The following DMD variants were observed in gnomAD, a reference collection of about 807,000 sequenced individuals.
DMD encodes the protein mutant dystrophin.
DMD carries 63 observed loss-of-function variants against 330.1 expected under a neutral mutation model. That is an observed-to-expected ratio of 0.19 (90% CI 0.16 to 0.24). DMD has a LOEUF of 0.24. Among genes scored for constraint, DMD ranks in the 10% least tolerant of loss-of-function variants. The pLI, the probability that DMD is intolerant of heterozygous loss-of-function variation, is 1.00. For missense variants in DMD, 3,344 were observed against 2,684.1 expected, an observed-to-expected ratio of 1.25 and a Z score of -5.43; for synonymous variants, 1,223 against 959.8, an observed-to-expected ratio of 1.27 and a Z score of -5.07.
chrX:32,637,434 C>G (rs1211922469), intron 11 of DMD, among the ~76,000 whole-genome samples: 1 of 111,861 alleles, frequency 8.9e-6, no homozygotes, highest in African/African-American at 3.3e-5. Flanking sequence ...CTGAGATAGT[C>G]TATTAGTTTA....
intron 67 of DMD, among the ~76,000 whole-genome samples, chrX:31,188,445 G>T (rs1440531688): frequency 1.8e-5 from 2 of 111,999 alleles, no homozygotes; most frequent in Non-Finnish European, 3.8e-5. Flanking sequence ...GATAATCTTT[G>T]TAAGTACCAT....
At chrX:32,671,479 T>C (rs753631389) in intron 9 of DMD, among the ~76,000 whole-genome samples, 1 of 111,840 alleles carries the variant, frequency 8.9e-6, no homozygotes, top group Admixed American at 9.5e-5. Context: ...GATACTATTA[T>C]TATTAACAAA....
chrX:33,102,819 AG>A (rs1160005223), intron 1 of DMD, among the ~76,000 whole-genome samples: 1 of 112,278 alleles, frequency 8.9e-6, no homozygotes, highest in Non-Finnish European at 1.9e-5. Flanking sequence ...TAAATGCTCA[AG>A]CATTTAGTTG....
chrX:31,633,511 G>A (rs1312529975), intron 54 of DMD, among the ~76,000 whole-genome samples: 1 of 111,592 alleles, frequency 9.0e-6, no homozygotes, highest in Non-Finnish European at 1.9e-5. Flanking sequence ...ATGGACTTTG[G>A]TATTTAACAT....
At chrX:33,065,249 T>C (rs1035509361) in intron 1 of DMD, among the ~76,000 whole-genome samples, 7 of 112,603 alleles carry the variant, frequency 6.2e-5, no homozygotes, top group Non-Finnish European at 5.6e-5. Context: ...ATAGTGGATA[T>C]AAAAATTCCA....
chrX:31,984,208 A>G (rs1264371158), intron 44 of DMD, among the ~76,000 whole-genome samples: 1 of 112,330 alleles, frequency 8.9e-6, no homozygotes, highest in Non-Finnish European at 1.9e-5. Context: ...CTTCAGTTAA[A>G]TATAATCATT....
chrX:32,740,622 T>C (rs2069129447), intron 7 of DMD, among the ~76,000 whole-genome samples: 1 of 111,796 alleles, frequency 8.9e-6, no homozygotes, highest in South Asian at 3.7e-4. Flanking sequence ...ATGAATATTA[T>C]AAAAGCATAA....
At chrX:31,574,146 G>GT (rs749028855) in intron 55 of DMD, among the ~76,000 whole-genome samples, 8,201 of 75,830 alleles carry the variant, frequency 0.11, 411 homozygotes, top group African/African-American at 0.15. Flanking sequence ...TTTTTTTTTT[G>GT]TTTTTTTTTT....
rs772481392 is a variant in DMD at position 33,314,446 on chromosome X, T to C, written c.7+24813A>G. Among the ~76,000 whole-genome samples, 145 of 108,296 alleles carry C rather than the reference T, an allele frequency of 1.3e-3. 1 individual carries two copies. Among genetic ancestry groups the C allele is most frequent in the Non-Finnish European group, 2.4e-3 (126 of 52,281 alleles). 94.0% of individuals were successfully genotyped at this position (108,296 alleles called of 115,157 possible). A position where few individuals can be genotyped will look rare whatever the true frequency, so the allele number is the denominator to read the frequency against. ...CAAATTTTTGTATTTTTAGTAGAGA[T>C]GGGCTTTTACCATTTTGGCCAGGCA... On this transcript the variant is annotated intron_variant, in intron 1 of 17. Coordinates refer to the DMD transcript ENST00000288447.
At chrX:32,826,861 G>T (rs761851486) in intron 4 of DMD, among the ~76,000 whole-genome samples, 1 of 110,726 alleles carries the variant, frequency 9.0e-6, no homozygotes, top group Non-Finnish European at 1.9e-5. Flanking sequence ...AACCCCAAAT[G>T]ATAAACATAT....
intron 44 of DMD, among the ~76,000 whole-genome samples, chrX:32,187,885 A>T: frequency 1.8e-5 from 2 of 111,391 alleles, no homozygotes; most frequent in East Asian, 5.6e-4. Flanking sequence ...TTGCCACAAA[A>T]TGTAAATGTA....
At chrX:31,878,675 A>G (rs1052877824) in intron 47 of DMD, among the ~76,000 whole-genome samples, 2 of 112,597 alleles carry the variant, frequency 1.8e-5, no homozygotes, top group Admixed American at 1.9e-4. Flanking sequence ...AAGTAATAAG[A>G]AAAAGGCCAA....
intron 43 of DMD, among the ~76,000 whole-genome samples, chrX:32,266,415 A>G (rs749874369): frequency 3.6e-5 from 4 of 112,123 alleles, no homozygotes; most frequent in Middle Eastern, 4.7e-3. Flanking sequence ...TACAGACTGT[A>G]TGATCAATAT....
chrX:32,726,000 T>C (rs2066840370), intron 7 of DMD, among the ~76,000 whole-genome samples: 1 of 110,880 alleles, frequency 9.0e-6, no homozygotes, highest in East Asian at 2.8e-4. Flanking sequence ...ATTTAAAAAA[T>C]TCCCCTGGAA....
intron 48 of DMD, among the ~76,000 whole-genome samples, chrX:31,858,133 G>A (rs2093645774): frequency 9.0e-6 from 1 of 111,300 alleles, no homozygotes; most frequent in Non-Finnish European, 1.9e-5. Context: ...AAATAGAATT[G>A]TATTTGTTAA....
At chrX:32,772,081 T>C (rs1034642691) in intron 7 of DMD, among the ~76,000 whole-genome samples, 7 of 112,327 alleles carry the variant, frequency 6.2e-5, no homozygotes, top group African/African-American at 2.3e-4. Flanking sequence ...GCCTAACTGA[T>C]GAGGGCATTG....
At chrX:31,445,606 A>G (rs977838268) in intron 59 of DMD, among the ~76,000 whole-genome samples, 2 of 111,674 alleles carry the variant, frequency 1.8e-5, no homozygotes, top group African/African-American at 3.3e-5. Context: ...AGTTTCATTT[A>G]GGGAGTAGGG....
chrX:33,149,145 A>G (rs186129825), intron 1 of DMD, among the ~76,000 whole-genome samples: 43 of 110,624 alleles, frequency 3.9e-4, no homozygotes, highest in Non-Finnish European at 6.4e-4. Context: ...ATATAATAAA[A>G]TAATTATGTA....
At chrX:33,171,187 A>G (rs1354197805) in intron 1 of DMD, among the ~76,000 whole-genome samples, 3 of 3,959 alleles carry the variant, frequency 7.6e-4, no homozygotes, top group East Asian at 0.25. Context: ...TGGATTGAAC[A>G]CTCCTTTAAA....
Sources: gnomAD v4.1 joint callset for allele counts (sites outside exome capture counted in the v4.1 genomes callset) on GRCh38, gnomAD v4.1.1 for gene constraint, MANE v1.5 for transcripts, NCBI Gene and HGNC (gene_info 2026-07-23, HGNC 2026-07-21) for gene names.